Variants in ANKRD13B observed in about 807,000 individuals in gnomAD.
ANKRD13B encodes ankyrin repeat domain-containing protein 13B.
In ANKRD13B, 33 loss-of-function variants were observed where a neutral mutation model predicts 74.4. The observed-to-expected ratio is 0.44, with a 90% CI of 0.34 to 0.59. The LOEUF is 0.59. Among genes scored for constraint, ANKRD13B ranks in the 20% least tolerant of loss-of-function variants. The pLI is 0.02. For synonymous variants in ANKRD13B, 341 were observed against 362.9 expected, an observed-to-expected ratio of 0.94 and a Z score of 0.68; for missense variants, 676 against 877.9, an observed-to-expected ratio of 0.77 and a Z score of 2.91.
chr17:29,593,668 AT>A lies in ANKRD13B; in HGVS notation c.48del (p.Pro17ArgfsTer73). Reference sequence around the variant, plus strand: ...GCCAGGAAGGGGCCCGAGGGCAAGTATCCGCTGCACTACCTCGTGTGGCACA... The same window carrying A: ...GCCAGGAAGGGGCCCGAGGGCAAGTACCGCTGCACTACCTCGTGTGGCACA... ...ASARKGPEGK[Y>X]PLHYLVWHNR... is the part of the protein sequence containing the mutation. On this transcript the variant is annotated frameshift_variant, in exon 1 of 15. Coordinates refer to ENST00000394859, the MANE Select transcript of ANKRD13B (RefSeq NM_152345.5). LOFTEE classifies it high-confidence loss of function. The A allele has an allele frequency of 7.0e-7, 1 of 1,431,250 alleles. No individual in the cohort carries two copies. Among genetic ancestry groups the A allele is most frequent in the Non-Finnish European group, 9.2e-7 (1 of 1,081,746 alleles). The allele number at this position is 1,431,250 out of a possible 1,614,324, so 88.7% of individuals were successfully genotyped here.
At chr17:29,603,931 G>A (rs2034271611) in intron 1 of ANKRD13B, among the ~76,000 whole-genome samples, 2 of 145,476 alleles carry the variant, frequency 1.4e-5, no homozygotes, top group Admixed American at 1.4e-4. Context: ...AGGCTGGAGT[G>A]CAGGGGCGCC....
Position 29,613,442 on chromosome 17 carries a change from C to A in ANKRD13B, c.1741C>A (p.His581Asn). The A allele has an allele frequency of 6.5e-7, 1 of 1,531,692 alleles. No individual in the cohort carries two copies. Among genetic ancestry groups the A allele is most frequent in the Admixed American group, 2.0e-5 (1 of 49,908 alleles). The allele number at this position is 1,531,692 out of a possible 1,614,324, so 94.9% of individuals were successfully genotyped here. The change falls in exon 15 of 15, where the codon CAC becomes AAC. Residue 581 changes from histidine to asparagine, a missense_variant. Transcript: ENST00000394859. The part of the protein sequence containing the change: ...RPSSGPGSGG[H>N]VFRSYDEQLR... ...CAGCTCAGGGCCAGGTTCCGGCGGC[C>A]ACGTGTTCCGGAGCTACGACGAGCA... is the stretch of plus-strand genomic sequence containing the variant.
chr17:29,607,428 A>T (rs925857850), intron 1 of ANKRD13B, among the ~76,000 whole-genome samples: 2 of 152,218 alleles, frequency 1.3e-5, no homozygotes, highest in Non-Finnish European at 2.9e-5. Context: ...CAGGCAGGCC[A>T]CTGGGCCCTG....
chr17:29,610,066 C>T lies in ANKRD13B; in HGVS notation c.823-619C>T, dbSNP rs2034527348. Among the ~76,000 whole-genome samples, 3 of 152,068 alleles carry T rather than the reference C, an allele frequency of 2.0e-5. No homozygotes were observed. In the South Asian group the frequency reaches 6.2e-4, roughly 32 times the overall value. On this transcript the variant is annotated intron_variant, in intron 7 of 14. Coordinates refer to ENST00000394859, the MANE Select transcript of ANKRD13B (RefSeq NM_152345.5). ...AATTAGCCGGGTGTGGTAGCAGGCG[C>T]CTGTAATCCCAGCTACTCGGGAGGC...
At position 29,613,394 on chromosome 17, in the gene ANKRD13B, G is replaced by A. The variant is rs1412353627; in HGVS notation, c.1693G>A (p.Ala565Thr). The A allele has an allele frequency of 4.7e-6, 7 of 1,488,322 alleles. No homozygotes were observed. The highest frequency in any genetic ancestry group is 6.2e-6 in the Non-Finnish European group (7 of 1,124,526). The allele number at this position is 1,488,322 out of a possible 1,614,324, so 92.2% of individuals were successfully genotyped here. The change falls in exon 15 of 15, where the codon GCG becomes ACG. Residue 565 changes from alanine (A) to threonine (T), a missense_variant. Physicochemically the swap from Ala to Thr is moderately conservative, Grantham distance 58. Transcript: ENST00000394859. Reference protein sequence around the residue: ...PTPQRQPAPPASVPSPRPSSG... With the variant: ...PTPQRQPAPPTSVPSPRPSSG... ...GCCGCAGCGCCAGCCTGCGCCCCCGGCGTCAGTGCCCAGCCCTCGGCCCAG... is the reference window on the plus strand; with the variant it reads ...GCCGCAGCGCCAGCCTGCGCCCCCGACGTCAGTGCCCAGCCCTCGGCCCAG...
At chr17:29,598,697 G>A (rs1384854660) in intron 1 of ANKRD13B, among the ~76,000 whole-genome samples, 2 of 152,088 alleles carry the variant, frequency 1.3e-5, no homozygotes, top group South Asian at 2.1e-4. Flanking sequence ...TACAGGTGGT[G>A]CCACCATGCC....
Position 29,612,385 on chromosome 17 carries a change from G to A in ANKRD13B, c.1259-17G>A, listed in dbSNP as rs1413448741. 4 of 1,612,824 alleles carry A rather than the reference G, an allele frequency of 2.5e-6. No individual in the cohort carries two copies. Among genetic ancestry groups the A allele is most frequent in the Non-Finnish European group, 3.4e-6 (4 of 1,179,418 alleles). On this transcript the variant is annotated splice_polypyrimidine_tract_variant and intron_variant, in intron 11 of 14. Transcript: ENST00000394859. The surrounding 1 kb of genome is among the most constrained non-coding windows in gnomAD (Gnocchi z 6.1). The stretch of plus-strand genomic sequence containing the variant: ...GAGGGGCTGAGTGGTGGCGCCTAAA[G>A]GTTTCCTCATCCTCAGAAATCCCGA...
At chr17:29,604,904 A>G (rs1016395525) in intron 1 of ANKRD13B, among the ~76,000 whole-genome samples, 1 of 152,276 alleles carries the variant, frequency 6.6e-6, no homozygotes, top group Non-Finnish European at 1.5e-5. Flanking sequence ...GGGATAGTTT[A>G]GCTCTACTGC....
intron 1 of ANKRD13B, among the ~76,000 whole-genome samples, chr17:29,596,661 C>T (rs1000751389): frequency 2.0e-5 from 3 of 152,212 alleles, no homozygotes; most frequent in African/African-American, 4.8e-5. Context: ...CGTTCTCCAC[C>T]GTGGGCTTGC....
At chr17:29,594,406 T>G (rs995563353) in intron 1 of ANKRD13B, among the ~76,000 whole-genome samples, 1 of 152,192 alleles carries the variant, frequency 6.6e-6, no homozygotes, top group African/African-American at 2.4e-5. Context: ...CTGGAAGGAC[T>G]TGAGGTTCTG....
chr17:29,612,948 G>T lies in ANKRD13B; in HGVS notation c.1637G>T (p.Gly546Val). The change falls in exon 14 of 15, where the codon GGT (glycine) becomes GTT (valine). Residue 546 changes from glycine (G) to valine (V), a missense_variant. By Grantham distance (109) the Gly-to-Val change is moderately radical. Around this residue, in one of 4 missense-constraint regions of ANKRD13B, gnomAD observed 152 missense variants for 181.4 expected, o/e 0.84. Coordinates refer to ENST00000394859, the MANE Select transcript of ANKRD13B (RefSeq NM_152345.5). This position sits in a 1 kb window ranked among gnomAD's most constrained non-coding sequence, Gnocchi z 6.1. Reference protein sequence around the residue: ...KPGTHPMSYEGRRQDRSAPPT... With the variant: ...KPGTHPMSYEVRRQDRSAPPT... ...GGCACCCACCCCATGTCCTACGAGGGTCGCCGACAGGACAGGTCAGTGCCC... is the reference window on the plus strand; with the variant it reads ...GGCACCCACCCCATGTCCTACGAGGTTCGCCGACAGGACAGGTCAGTGCCC... 1.3e-6 allele frequency: 2 copies of T among 1,597,972 alleles called. No individual in the cohort carries two copies. Among genetic ancestry groups the T allele is most frequent in the South Asian group, 1.1e-5 (1 of 91,002 alleles).
Position 29,612,016 on chromosome 17 carries a change from C to T in ANKRD13B, c.1100+10C>T, listed in dbSNP as rs2150903763. ...CCACCAAGACACAGAAGTGAGGCCCCTGCCGGTGCTGGGAAGGTGGGGGGC... is the reference window on the plus strand; with the variant it reads ...CCACCAAGACACAGAAGTGAGGCCCTTGCCGGTGCTGGGAAGGTGGGGGGC... On this transcript the variant is annotated intron_variant, in intron 10 of 14. Coordinates refer to ENST00000394859, the MANE Select transcript of ANKRD13B (RefSeq NM_152345.5). The surrounding 1 kb of genome is among the most constrained non-coding windows in gnomAD (Gnocchi z 6.1). 6.2e-7 allele frequency: 1 copy of T among 1,610,348 alleles called. No homozygotes were observed. The highest frequency in any genetic ancestry group is 2.2e-5 in the East Asian group (1 of 44,852).
chr17:29,595,448 G>C (rs1277153441), intron 1 of ANKRD13B, among the ~76,000 whole-genome samples: 1 of 152,218 alleles, frequency 6.6e-6, no homozygotes, highest in Non-Finnish European at 1.5e-5. Flanking sequence ...CTGAGGGTGG[G>C]TGGTCCTTTT....
chr17:29,606,878 A>T (rs1447610488), intron 1 of ANKRD13B, among the ~76,000 whole-genome samples: 2 of 151,814 alleles, frequency 1.3e-5, no homozygotes, highest in East Asian at 3.9e-4. Context: ...GTGAAAACCC[A>T]TCTCTACTAA....
rs7220401 is a variant in ANKRD13B, at chr17:29,608,670, T to C, written c.422-181T>C. On this transcript the variant is annotated intron_variant, in intron 4 of 14. Coordinates refer to ENST00000394859, the MANE Select transcript of ANKRD13B (RefSeq NM_152345.5). The surrounding 1 kb of genome is among the most constrained non-coding windows in gnomAD (Gnocchi z 6.4). ...AAACATGCCCGTCCCGACCTCAGGT[T>C]GCTCTTCTGTGTGAGTATGGTCTAC... 388,593 of 794,998 alleles carry C rather than the reference T, an allele frequency of 0.49. 98,760 individuals are homozygous for C. The highest frequency in any genetic ancestry group is 0.74 in the African/African-American group (42,746 of 57,592). 49.2% of individuals were successfully genotyped at this position (794,998 alleles called of 1,614,324 possible). A position where few individuals can be genotyped will look rare whatever the true frequency, so the allele number is the denominator to read the frequency against.
intron 1 of ANKRD13B, among the ~76,000 whole-genome samples, chr17:29,597,237 T>G (rs1404801485): frequency 2.0e-5 from 3 of 152,136 alleles, no homozygotes; most frequent in East Asian, 1.9e-4. Flanking sequence ...CTAAAGGAGT[T>G]TGGAAAGTAC....
intron 1 of ANKRD13B, among the ~76,000 whole-genome samples, chr17:29,605,981 C>T (rs757091231): frequency 9.9e-5 from 15 of 151,530 alleles, no homozygotes; most frequent in Admixed American, 2.0e-4. Context: ...GGCATGATCT[C>T]GGCTCACTGC....
At chr17:29,605,893 A>G (rs186566626) in intron 1 of ANKRD13B, among the ~76,000 whole-genome samples, 88 of 151,616 alleles carry the variant, frequency 5.8e-4, no homozygotes, top group African/African-American at 2.1e-3. Flanking sequence ...GGAGGGAGTT[A>G]CATGCATGTG....
In ANKRD13B at chr17:29,593,589, C is replaced by T. The variant is rs1262896461; in HGVS notation, c.-33C>T. On this transcript the variant is annotated 5_prime_UTR_variant, in exon 1 of 15. Transcript: ENST00000394859. The stretch of plus-strand genomic sequence containing the variant: ...TCCGGCGCCGTCCCTCCTCCCCGGC[C>T]GGGCGCCGCGGCCCCGGCATGAGGA... 1.7e-6 allele frequency: 2 copies of T among 1,163,898 alleles called. No homozygotes were observed. Among genetic ancestry groups the T allele is most frequent in the Admixed American group, 4.3e-5 (1 of 23,166 alleles). The allele number at this position is 1,163,898 out of a possible 1,614,324, so 72.1% of individuals were successfully genotyped here.
Sources: gnomAD v4.1 joint callset for allele counts (sites outside exome capture counted in the v4.1 genomes callset) on GRCh38, gnomAD v4.1.1 for gene constraint, gnomAD v4.1.1 regional missense constraint, Gnocchi (gnomAD v3.1) non-coding constraint, MANE v1.5 for transcripts, NCBI Gene and HGNC (gene_info 2026-07-23, HGNC 2026-07-21) for gene names.